LPCAT3: variants seen among roughly 807,000 people sequenced by gnomAD.
LPCAT3 encodes lysophospholipid acyltransferase 5.
In LPCAT3, 21 loss-of-function variants were observed where a neutral mutation model predicts 63.4. The ratio of observed to expected loss-of-function variants is 0.33; its 90% CI spans 0.23 to 0.48. LPCAT3 has a LOEUF of 0.48. Among genes scored for constraint, LPCAT3 ranks in the 20% least tolerant of loss-of-function variants. The pLI, the probability that LPCAT3 is intolerant of heterozygous loss-of-function variation, is 0.99. For synonymous variants in LPCAT3, 242 were observed against 227.5 expected, an observed-to-expected ratio of 1.06 and a Z score of -0.58; for missense variants, 451 against 590.6, an observed-to-expected ratio of 0.76 and a Z score of 2.45.
intron 6 of LPCAT3, among the ~76,000 whole-genome samples, chr12:6,980,335 G>A (rs1555153920): frequency 6.6e-6 from 1 of 151,676 alleles, no homozygotes; most frequent in East Asian, 1.9e-4. Context: ...GAGCCACTGT[G>A]CCCTCCTGCA....
intron 1 of LPCAT3, among the ~76,000 whole-genome samples, chr12:6,988,628 C>A (rs1476522143): frequency 6.6e-6 from 1 of 152,170 alleles, no homozygotes; most frequent in Non-Finnish European, 1.5e-5. Flanking sequence ...TGCTCACCCT[C>A]CCACTCATCA....
At position 6,978,293 on chromosome 12, in the gene LPCAT3, A is replaced by T. The variant is rs1591711291; in HGVS notation, c.1040+48T>A. Reference sequence around the variant, plus strand: ...CACCCCTGCCCTCCAATCTGGGAAGACAGTGGAAGGAAGGAACCAGGGTCC... The same window carrying T: ...CACCCCTGCCCTCCAATCTGGGAAGTCAGTGGAAGGAAGGAACCAGGGTCC... On this transcript the variant is annotated intron_variant, in intron 9 of 12. Coordinates refer to ENST00000261407, the MANE Select transcript of LPCAT3 (RefSeq NM_005768.6). 5 of 1,564,624 alleles carry T rather than the reference A, an allele frequency of 3.2e-6. No individual in the cohort carries two copies. The East Asian group carries it at 1.1e-4, about 35-fold the overall frequency.
At chr12:6,991,471 A>G (rs1946590046) in intron 1 of LPCAT3, among the ~76,000 whole-genome samples, 3 of 152,250 alleles carry the variant, frequency 2.0e-5, no homozygotes, top group South Asian at 2.1e-4. Context: ...AAATACTGAC[A>G]TATTTCATTA....
rs1379638256 is a variant in LPCAT3 at position 6,987,038 on chromosome 12, A to T, written c.152-3499T>A. The stretch of plus-strand genomic sequence containing the variant: ...TGAGGCAGGAGAATTGCTTGAACCC[A>T]GGAGGCGGAGGTGGCAGTGAGCTGA... On this transcript the variant is annotated intron_variant, in intron 1 of 12. Coordinates refer to ENST00000261407, the MANE Select transcript of LPCAT3 (RefSeq NM_005768.6). The surrounding 1 kb of genome is among the most constrained non-coding windows in gnomAD (Gnocchi z 4.1). 6.6e-6 allele frequency among the ~76,000 whole-genome samples: 1 copy of T among 151,856 alleles called. No homozygotes were observed. Among genetic ancestry groups the T allele is most frequent in the Non-Finnish European group, 1.5e-5 (1 of 67,984 alleles).
intron 1 of LPCAT3, among the ~76,000 whole-genome samples, chr12:6,990,399 C>T (rs1555155343): frequency 1.3e-5 from 2 of 148,500 alleles, no homozygotes; most frequent in African/African-American, 5.0e-5. Flanking sequence ...GCCCCAGCTA[C>T]TCGGGAGGCT....
chr12:6,976,841 T>G lies in LPCAT3; in HGVS notation c.*63A>C. On this transcript the variant is annotated 3_prime_UTR_variant, in exon 13 of 13. Transcript: ENST00000261407. The stretch of plus-strand genomic sequence containing the variant: ...CATTCTCTGCTCTGGGGCAAAGGAG[T>G]GCTGTGAAAAGGGAGACGAGTAGTT... 1 of 257,542 alleles carries G rather than the reference T, an allele frequency of 3.9e-6. No homozygotes were observed. Among genetic ancestry groups the G allele is most frequent in the African/African-American group, 2.2e-5 (1 of 45,358 alleles). The allele number at this position is 257,542 out of a possible 1,614,324, so 16.0% of individuals were successfully genotyped here.
intron 1 of LPCAT3, among the ~76,000 whole-genome samples, chr12:6,998,833 A>C (rs1255439188): frequency 6.6e-6 from 1 of 152,246 alleles, no homozygotes; most frequent in Non-Finnish European, 1.5e-5. Context: ...ATTCTTACTT[A>C]GAACTGAAGA....
At chr12:6,985,079 C>T (rs1555154621) in intron 1 of LPCAT3, among the ~76,000 whole-genome samples, 3 of 132,034 alleles carry the variant, frequency 2.3e-5, no homozygotes, top group African/African-American at 8.6e-5. Flanking sequence ...GTCATTTTTC[C>T]CCCATACATT....
At chr12:6,995,632 T>C (rs1555155949) in intron 1 of LPCAT3, among the ~76,000 whole-genome samples, 2 of 152,160 alleles carry the variant, frequency 1.3e-5, no homozygotes, top group African/African-American at 4.8e-5. Context: ...AAAACCCTTA[T>C]GGATCTCACC....
At position 6,977,188 on chromosome 12, in the gene LPCAT3, T is replaced by G; in HGVS notation, c.1422A>C (p.Lys474Asn). 1.2e-6 allele frequency: 2 copies of G among 1,613,764 alleles called. No homozygotes were observed. The highest frequency in any genetic ancestry group is 1.7e-6 in the Non-Finnish European group (2 of 1,179,626). Reference sequence around the variant, plus strand: ...ACTTCTCTTTCCTTGGCACCATTGCTTTGTGAATATAAGGCAATATGAATA... The same window carrying G: ...ACTTCTCTTTCCTTGGCACCATTGCGTTGTGAATATAAGGCAATATGAATA... ...SLLFILPYIH[K>N]AMVPRKEKLK... is the part of the protein sequence containing the mutation. The change falls in exon 12 of 13, where the codon AAA (lysine) becomes AAC (asparagine). Residue 474 changes from lysine (K) to asparagine (N), a missense_variant. Lys to Asn is a moderately conservative substitution (Grantham distance 94, BLOSUM62 0). Transcript: ENST00000261407. The surrounding 1 kb of genome is among the most constrained non-coding windows in gnomAD (Gnocchi z 4.5).
At chr12:6,981,287 A>G (rs1946468930) in intron 5 of LPCAT3, 105 bp from the exon 6 acceptor site, 1 of 910,824 alleles carries the variant, frequency 1.1e-6, no homozygotes, top group Non-Finnish European at 1.7e-6. Flanking sequence ...GGGTTCTTCA[A>G]ATAGCCTTCT....
chr12:7,018,016 G>A lies in LPCAT3; in HGVS notation c.151+258C>T, dbSNP rs151098134. On this transcript the variant is annotated intron_variant, in intron 1 of 12. Transcript: ENST00000261407. This position sits in a 1 kb window ranked among gnomAD's most constrained non-coding sequence, Gnocchi z 4.9. ...CAAGGGTAGAGCCTGGCACAAGAGG[G>A]CGGGGGCCCGACTGAGAGGCCAGAG... Among the ~76,000 whole-genome samples, 468 of 152,340 alleles carry A rather than the reference G, an allele frequency of 3.1e-3. No individual in the cohort carries two copies. Among genetic ancestry groups the A allele is most frequent in the Non-Finnish European group, 5.1e-3 (347 of 68,034 alleles).
At chr12:6,999,288 C>T (rs1027231771) in intron 1 of LPCAT3, among the ~76,000 whole-genome samples, 1 of 152,168 alleles carries the variant, frequency 6.6e-6, no homozygotes, top group Non-Finnish European at 1.5e-5. Flanking sequence ...ATTGTGACAG[C>T]TGTGATACAG....
At chr12:6,992,824 C>T (rs1396950553) in intron 1 of LPCAT3, among the ~76,000 whole-genome samples, 1 of 152,120 alleles carries the variant, frequency 6.6e-6, no homozygotes, top group Non-Finnish European at 1.5e-5. Flanking sequence ...CAGCAGACAC[C>T]ACAGATGCTC....
At chr12:6,978,191 A>C in intron 9 of LPCAT3, 150 bp downstream of exon 9, 1 of 812,952 alleles carries the variant, frequency 1.2e-6, no homozygotes, top group Non-Finnish European at 1.9e-6. Flanking sequence ...GGAGGGGGGT[A>C]TAGGTGGGGG....
chr12:6,982,509 G>C (rs1386162697), intron 3 of LPCAT3, among the ~76,000 whole-genome samples, 167 bp downstream of exon 3: 2 of 152,190 alleles, frequency 1.3e-5, no homozygotes, highest in East Asian at 3.8e-4. Context: ...TCTGTGGATG[G>C]AACACTTGGG....
At chr12:7,000,080 T>A (rs1007317659) in intron 1 of LPCAT3, among the ~76,000 whole-genome samples, 1 of 151,688 alleles carries the variant, frequency 6.6e-6, no homozygotes, top group Non-Finnish European at 1.5e-5. Flanking sequence ...CCACCATGCC[T>A]GGCTAATTTT....
chr12:7,013,856 T>C (rs1946781222), intron 1 of LPCAT3, among the ~76,000 whole-genome samples: 2 of 152,260 alleles, frequency 1.3e-5, no homozygotes, highest in Admixed American at 1.3e-4. Context: ...CCAGCCATAT[T>C]ATTCCCCACT....
intron 1 of LPCAT3, among the ~76,000 whole-genome samples, chr12:6,995,914 A>G (rs1555155971): frequency 6.6e-6 from 1 of 152,114 alleles, no homozygotes; most frequent in Non-Finnish European, 1.5e-5. Context: ...TATTCAATGT[A>G]TTATCATTAT....
Sources: allele counts gnomAD v4.1 joint callset (sites outside exome capture counted in the v4.1 genomes callset), GRCh38; gene constraint gnomAD v4.1.1; non-coding constraint Gnocchi (gnomAD v3.1); transcripts MANE v1.5; gene names NCBI Gene and HGNC (gene_info 2026-07-23, HGNC 2026-07-21).